ETNK2: variants seen among roughly 807,000 people sequenced by gnomAD.
ETNK2 encodes the protein ethanolamine kinase 2, also known as ethanolamine kinase-like protein.
In ETNK2, 33 loss-of-function variants were observed where a neutral mutation model predicts 46.2. The observed-to-expected ratio is 0.71, with a 90% CI of 0.54 to 0.96. The LOEUF is 0.96. Among genes scored for constraint, ETNK2 ranks in the 40% least tolerant of loss-of-function variants. ETNK2 has a pLI of 0.00. For synonymous variants in ETNK2, 194 were observed against 209.0 expected (o/e 0.93, Z 0.62); for missense variants, 445 against 509.7 (o/e 0.87, Z 1.22).
intron 2 of ETNK2, chr1:204,147,655 C>T: frequency 4.2e-6 from 2 of 479,072 alleles, no homozygotes; most frequent in East Asian, 5.6e-5. Flanking sequence ...GGAAAGACAA[C>T]AAAGGCCTTA....
intron 2 of ETNK2, chr1:204,147,661 C>G (rs947301179): frequency 2.1e-6 from 1 of 465,130 alleles, no homozygotes; most frequent in Non-Finnish European, 4.4e-6. Flanking sequence ...ACAACAAAGG[C>G]CTTAGCTGTT....
At chr1:204,141,199 C>G (rs751529854) in intron 4 of ETNK2, 116 bp downstream of exon 4, 1 of 1,281,262 alleles carries the variant, frequency 7.8e-7, no homozygotes, top group Admixed American at 1.8e-5. Context: ...AACTTAAGAC[C>G]TAAATCAAGG....
intron 3 of ETNK2, 118 bp downstream of exon 3, chr1:204,146,524 C>T (rs564069866): frequency 3.4e-4 from 429 of 1,251,268 alleles, no homozygotes; most frequent in Non-Finnish European, 2.4e-4. Context: ...GGAGAAACTC[C>T]CCAGCCTCCT....
rs1260949108 is a variant in ETNK2 at position 204,147,504 on chromosome 1, C to T, written c.519-740G>A. On this transcript the variant is annotated intron_variant, in intron 2 of 7. Coordinates refer to ENST00000367202, the MANE Select transcript of ETNK2 (RefSeq NM_018208.4). ...TTGATAAAGACCCCATCGCCCGAGG[C>T]CCTGTGTCCCAGCTGGGCCCTCCCA... 2 of 533,300 alleles carry T rather than the reference C, an allele frequency of 3.8e-6. 1 individual carries two copies. Among genetic ancestry groups the T allele is most frequent in the East Asian group, 1.1e-4 (2 of 18,366 alleles). 33.0% of individuals were successfully genotyped at this position (533,300 alleles called of 1,614,324 possible).
chr1:204,151,388 G>C lies in ETNK2; in HGVS notation c.258+207C>G, dbSNP rs1657999061. 4.3e-6 allele frequency: 3 copies of C among 698,758 alleles called. No homozygotes were observed. The South Asian group carries it at 5.9e-5, about 14-fold the overall frequency. 43.3% of individuals were successfully genotyped at this position (698,758 alleles called of 1,614,324 possible). Reference sequence around the variant, plus strand: ...GCGTGCCTAAGAGCCCCGGGAGGAGGGGGGCGTGTGCAGGGCCAAGGGAGG... The same window carrying C: ...GCGTGCCTAAGAGCCCCGGGAGGAGCGGGGCGTGTGCAGGGCCAAGGGAGG... On this transcript the variant is annotated intron_variant, in intron 1 of 7. Coordinates refer to ENST00000367202, the MANE Select transcript of ETNK2 (RefSeq NM_018208.4). The surrounding 1 kb of genome is among the most constrained non-coding windows in gnomAD (Gnocchi z 8.0).
rs573581420 is a variant in ETNK2, at chr1:204,140,769, C to T, written c.784+546G>A. Among the ~76,000 whole-genome samples, 252 of 151,616 alleles carry T rather than the reference C, an allele frequency of 1.7e-3. 2 individuals carry two copies. Among genetic ancestry groups the T allele is most frequent in the African/African-American group, 5.8e-3 (240 of 41,322 alleles). ...TGAACTCCTGACCTCATGATCCACC[C>T]GCCTTAGCCTCCCAAAGTGCTGGGA... On this transcript the variant is annotated intron_variant, in intron 4 of 7. Transcript: ENST00000367202.
chr1:204,148,452 C>T lies in ETNK2; in HGVS notation c.518+1251G>A, dbSNP rs149199289. On this transcript the variant is annotated intron_variant, in intron 2 of 7. Transcript: ENST00000367202. ...GGGAGTGCAGTGGCAGAAGTCAGGACAGGGTCCCTTTGCACCCTGCTCTGA... is the reference window on the plus strand; with the variant it reads ...GGGAGTGCAGTGGCAGAAGTCAGGATAGGGTCCCTTTGCACCCTGCTCTGA... Among the ~76,000 whole-genome samples the T allele has an allele frequency of 3.3e-4, 50 of 152,036 alleles. No homozygotes were observed. The East Asian group carries it at 9.1e-3, about 28-fold the overall frequency.
At chr1:204,146,587 G>A (rs542242838) in intron 3 of ETNK2, 55 bp downstream of exon 3, 8 of 1,606,326 alleles carry the variant, frequency 5.0e-6, no homozygotes, top group East Asian at 4.5e-5. Flanking sequence ...GAGCCAAAAG[G>A]ATGGGGAAGG....
Position 204,137,088 on chromosome 1 carries a change from G to A in ETNK2, c.1014+16C>T, listed in dbSNP as rs1657313694. 5.0e-6 allele frequency: 8 copies of A among 1,612,916 alleles called. No homozygotes were observed. Among genetic ancestry groups the A allele is most frequent in the Non-Finnish European group, 6.8e-6 (8 of 1,179,196 alleles). On this transcript the variant is annotated intron_variant, in intron 6 of 7. Coordinates refer to ENST00000367202, the MANE Select transcript of ETNK2 (RefSeq NM_018208.4). ...CTCCTCCTTTCCTGCCCCAGCCCTA[G>A]AAATAAGGCACTCACCAGGGCAAAC... is the stretch of plus-strand genomic sequence containing the variant.
chr1:204,147,627 C>CA, intron 2 of ETNK2: 1 of 498,748 alleles, frequency 2.0e-6, no homozygotes, highest in Non-Finnish European at 4.2e-6. Context: ...CTGCCTGTTG[C>CA]TTGAATAACA....
Position 204,134,369 on chromosome 1 carries a change from C to T in ETNK2, c.1088+146G>A, listed in dbSNP as rs917069634. 1.4e-5 allele frequency: 12 copies of T among 846,132 alleles called. 1 individual carries two copies. Among genetic ancestry groups the T allele is most frequent in the Admixed American group, 8.6e-5 (3 of 34,838 alleles). 52.4% of individuals were successfully genotyped at this position (846,132 alleles called of 1,614,324 possible). On this transcript the variant is annotated intron_variant, in intron 7 of 7. Coordinates refer to ENST00000367202, the MANE Select transcript of ETNK2 (RefSeq NM_018208.4). ...TGGCATCCCCTGGGGATAGTGGCCC[C>T]GCTGGAGATGAGCTGGAACGGGGGC...
chr1:204,143,294 G>A (rs1395348773), intron 3 of ETNK2, among the ~76,000 whole-genome samples: 1 of 151,814 alleles, frequency 6.6e-6, no homozygotes, highest in East Asian at 1.9e-4. Context: ...GTTTGCTCAG[G>A]TCCCGGCCTG....
At chr1:204,134,779 C>G in intron 6 of ETNK2, 191 bp from the exon 7 acceptor site, 1 of 1,302,640 alleles carries the variant, frequency 7.7e-7, no homozygotes, top group Non-Finnish European at 1.1e-6. Context: ...GGCGCCTCCA[C>G]TCCTGCTAGA....
At chr1:204,139,581 G>A (rs1188531244) in intron 5 of ETNK2, among the ~76,000 whole-genome samples, 3 of 152,182 alleles carry the variant, frequency 2.0e-5, no homozygotes. Flanking sequence ...TACCCTCTAA[G>A]TATAGAACCA....
chr1:204,151,841 G>A lies in ETNK2; in HGVS notation c.12C>T (p.Pro4=), dbSNP rs1274373150. 2.1e-6 allele frequency: 3 copies of A among 1,453,332 alleles called. No individual in the cohort carries two copies. Among genetic ancestry groups the A allele is most frequent in the Non-Finnish European group, 9.0e-7 (1 of 1,107,078 alleles). The allele number at this position is 1,453,332 out of a possible 1,614,324, so 90.0% of individuals were successfully genotyped here. A position where few individuals can be genotyped will look rare whatever the true frequency, so the allele number is the denominator to read the frequency against. MAV[P]PSAPQPRASF... is the part of the protein sequence containing the mutation. ...ACGCGCGCGGCTGAGGGGCCGAAGG[G>A]GGCACAGCCATTCCCAGCAGCCCCA... Residue 4 remains proline, a synonymous_variant, in exon 1 of 8, where the codon CCC becomes CCT. Transcript: ENST00000367202. The surrounding 1 kb of genome is among the most constrained non-coding windows in gnomAD (Gnocchi z 8.0).
Position 204,140,127 on chromosome 1 carries a change from T to C in ETNK2, c.785-9A>G, listed in dbSNP as rs1412962536. Reference sequence around the variant, plus strand: ...AATGAACCGCACGTGACCTATGAAGTAGAGGAGAATCGATGAGAGTTGGCC... The same window carrying C: ...AATGAACCGCACGTGACCTATGAAGCAGAGGAGAATCGATGAGAGTTGGCC... On this transcript the variant is annotated splice_polypyrimidine_tract_variant and intron_variant, in intron 4 of 7. Transcript: ENST00000367202. 1 of 1,611,762 alleles carries C rather than the reference T, an allele frequency of 6.2e-7. No homozygotes were observed. The highest frequency in any genetic ancestry group is 8.5e-7 in the Non-Finnish European group (1 of 1,177,922).
At chr1:204,135,106 C>CCTCCTCCA (rs1258847713) in intron 6 of ETNK2, among the ~76,000 whole-genome samples, 2 of 152,188 alleles carry the variant, frequency 1.3e-5, no homozygotes, top group African/African-American at 4.8e-5. Context: ...CCTACACTAA[C>CCTCCTCCA]CTCCTCCACT....
intron 1 of ETNK2, 32 bp from the exon 2 acceptor site, chr1:204,149,994 G>A (rs2102304701): frequency 7.0e-6 from 4 of 568,744 alleles, no homozygotes; most frequent in Non-Finnish European, 9.2e-6. Context: ...GCGTGGGTGG[G>A]TGGGTGGGGC....
In ETNK2 at chr1:204,139,997, C is replaced by T. The variant is rs78382242; in HGVS notation, c.868+38G>A. 365 of 1,564,676 alleles carry T rather than the reference C, an allele frequency of 2.3e-4. 1 individual carries two copies. In the African/African-American group the frequency reaches 4.2e-3, roughly 18 times the overall value. ...TGCGGTCAGTCATTGACTGAAACAC[C>T]GCTACAAAGCACATGACTGTAGAAA... On this transcript the variant is annotated intron_variant, in intron 5 of 7. Transcript: ENST00000367202.
Sources: allele counts gnomAD v4.1 joint callset (sites outside exome capture counted in the v4.1 genomes callset), GRCh38; gene constraint gnomAD v4.1.1; non-coding constraint Gnocchi (gnomAD v3.1); transcripts MANE v1.5; gene names NCBI Gene and HGNC (gene_info 2026-07-23, HGNC 2026-07-21).